UNC5A: variants seen among roughly 807,000 people sequenced by gnomAD.
The protein encoded by UNC5A is unc-5 netrin receptor A.
Under a neutral mutation model 87.4 loss-of-function variants are expected in UNC5A, and 20 were observed. The ratio of observed to expected loss-of-function variants is 0.23; its 90% confidence interval spans 0.16 to 0.33. UNC5A has a LOEUF of 0.33. Ranked by LOEUF, UNC5A falls within the 10% of genes least tolerant of loss-of-function variation. The pLI is 1.00. For missense variants in UNC5A, 844 were observed against 1,133.4 expected (o/e 0.74, Z 3.67); for synonymous variants, 438 against 482.3 (o/e 0.91, Z 1.20).
chr5:176,815,707 C>G (rs141185301), intron 1 of UNC5A, among the ~76,000 whole-genome samples: 1 of 152,174 alleles, frequency 6.6e-6, no homozygotes, highest in Non-Finnish European at 1.5e-5. Flanking sequence ...CATCAGGGCC[C>G]GAGCCCAGAC....
intron 1 of UNC5A, among the ~76,000 whole-genome samples, chr5:176,817,988 C>T (rs1195545416): frequency 6.6e-6 from 1 of 152,032 alleles, no homozygotes; most frequent in African/African-American, 2.4e-5. Context: ...TGTTCGGGGC[C>T]TGTTAACAAG....
At chr5:176,814,743 G>A (rs1192529663) in intron 1 of UNC5A, among the ~76,000 whole-genome samples, 9 of 152,358 alleles carry the variant, frequency 5.9e-5, no homozygotes, top group Middle Eastern at 3.4e-3. Flanking sequence ...TGTTTATGGC[G>A]CGGTGACCCT....
At position 176,824,276 on chromosome 5, in the gene UNC5A, C is replaced by T. The variant is rs1322138465; in HGVS notation, c.70+13456C>T. Among the ~76,000 whole-genome samples, 1 of 152,168 alleles carries T rather than the reference C, an allele frequency of 6.6e-6. No homozygotes were observed. The highest frequency in any genetic ancestry group is 1.9e-4 in the East Asian group (1 of 5,190). On this transcript the variant is annotated intron_variant, in intron 1 of 14. Coordinates refer to ENST00000329542, the MANE Select transcript of UNC5A (RefSeq NM_133369.3). This position sits in a 1 kb window ranked among gnomAD's most constrained non-coding sequence, Gnocchi z 4.2. ...AGCGCACAGGGAGATCAGGGACAAG[C>T]GGAGGGAGGAGGCTGTCCCAGTGGC...
rs183295563 is a variant in UNC5A, at chr5:176,848,590, G to A, written c.71-14034G>A. ...GTCTCATCAGGGGTGTGATGGGAGC[G>A]GCCAGACACCCTATTCCCAGATGGA... On this transcript the variant is annotated intron_variant, in intron 1 of 14. Transcript: ENST00000329542. The surrounding 1 kb of genome is among the most constrained non-coding windows in gnomAD (Gnocchi z 5.8). Among the ~76,000 whole-genome samples, 6 of 152,238 alleles carry A rather than the reference G, an allele frequency of 3.9e-5. No individual in the cohort carries two copies. Among genetic ancestry groups the A allele is most frequent in the South Asian group, 2.1e-4 (1 of 4,826 alleles).
Position 176,878,059 on chromosome 5 carries a change from G to T in UNC5A, c.1801G>T (p.Val601Leu). The T allele has an allele frequency of 6.2e-7, 1 of 1,609,818 alleles. No individual in the cohort carries two copies. Among genetic ancestry groups the T allele is most frequent in the South Asian group, 1.1e-5 (1 of 91,086 alleles). Residue 601 changes from valine (V) to leucine (L), a missense_variant, in exon 11 of 15, where the codon GTG becomes TTG. Transcript: ENST00000329542. ...KRLKLLLFAP[V>L]ACTSLEYNIR... ...CCTCAAGCTGCTTCTGTTTGCGCCG[G>T]TGGCCTGCACCTCCCTCGAGTACAA...
At chr5:176,858,722 A>AGAGAAGGAAGGAAGGAAGGAAG (rs1757728969) in intron 1 of UNC5A, among the ~76,000 whole-genome samples, 2 of 49,812 alleles carry the variant, frequency 4.0e-5, no homozygotes, top group African/African-American at 7.3e-5. Flanking sequence ...AGAGAGAGAG[A>AGAGAAGGAAGGAAGGAAGGAAG]GAAGGAAGGA....
rs563598670 is a variant in UNC5A, at chr5:176,844,376, T to C, written c.71-18248T>C. 6.6e-6 allele frequency among the ~76,000 whole-genome samples: 1 copy of C among 152,180 alleles called. No individual in the cohort carries two copies. The highest frequency in any genetic ancestry group is 2.1e-4 in the South Asian group (1 of 4,802). ...AGATCTGTGCAGGGCCCAGCCTCAC[T>C]CTGTTCTCCTGGGCCTTCCCTGTGC... On this transcript the variant is annotated intron_variant, in intron 1 of 14. Transcript: ENST00000329542. This position sits in a 1 kb window ranked among gnomAD's most constrained non-coding sequence, Gnocchi z 4.2.
At chr5:176,818,720 G>A (rs1259031152) in intron 1 of UNC5A, among the ~76,000 whole-genome samples, 1 of 152,164 alleles carries the variant, frequency 6.6e-6, no homozygotes, top group Non-Finnish European at 1.5e-5. Context: ...GGCCTCTCTG[G>A]TATCCTATGG....
At chr5:176,830,591 T>C (rs1756979691) in intron 1 of UNC5A, among the ~76,000 whole-genome samples, 3 of 144,344 alleles carry the variant, frequency 2.1e-5, no homozygotes, top group African/African-American at 5.2e-5. Context: ...CGCGTGCTGG[T>C]GTGTGCATGC....
Position 176,868,662 on chromosome 5 carries a change from G to T in UNC5A, c.538G>T (p.Glu180Ter). 6.2e-7 allele frequency: 1 copy of T among 1,603,798 alleles called. No homozygotes were observed. Among genetic ancestry groups the T allele is most frequent in the Non-Finnish European group, 8.5e-7 (1 of 1,175,360 alleles). Residue 180 changes from glutamate to a stop codon, truncating the protein, a stop_gained and splice_region_variant, in exon 4 of 15, where the codon GAG becomes TAG. Coordinates refer to ENST00000329542, the MANE Select transcript of UNC5A (RefSeq NM_133369.3). LOFTEE classifies it high-confidence loss of function. Reference sequence around the variant, plus strand: ...TCCACCGGAGGGCATCCCTCCAGCCGAGGTGAGGGCTCCTCTAGTGCCCAC... The same window carrying T: ...TCCACCGGAGGGCATCCCTCCAGCCTAGGTGAGGGCTCCTCTAGTGCCCAC... ...CRPPEGIPPA[E>*]VEWLRNEDLV... is the part of the protein sequence containing the mutation.
intron 1 of UNC5A, among the ~76,000 whole-genome samples, chr5:176,811,660 T>A (rs995072716): frequency 6.6e-6 from 1 of 152,158 alleles, no homozygotes; most frequent in South Asian, 2.1e-4. Flanking sequence ...TCCCTGAGCC[T>A]TCACCTAGGC....
chr5:176,827,557 G>A (rs931126351), intron 1 of UNC5A, among the ~76,000 whole-genome samples: 4 of 152,146 alleles, frequency 2.6e-5, no homozygotes, highest in Admixed American at 2.0e-4. Context: ...TCACCCATTG[G>A]TAGACATTTG....
intron 1 of UNC5A, among the ~76,000 whole-genome samples, chr5:176,831,466 G>A (rs568724042): frequency 2.0e-5 from 3 of 152,342 alleles, no homozygotes; most frequent in East Asian, 3.9e-4. Context: ...AGGCCAGCAC[G>A]CATCCAGGTG....
Position 176,878,049 on chromosome 5 carries a change from G to A in UNC5A, c.1791G>A (p.Leu597=), listed in dbSNP as rs776985084. Residue 597 remains leucine (L), a synonymous_variant, in exon 11 of 15, where the codon CTG becomes CTA. Transcript: ENST00000329542. ...CCGCCAAGCGCCTCAAGCTGCTTCT[G>A]TTTGCGCCGGTGGCCTGCACCTCCC... The part of the protein sequence containing the change: ...VAAAKRLKLL[L]FAPVACTSLE... 1 of 1,609,586 alleles carries A rather than the reference G, an allele frequency of 6.2e-7. No homozygotes were observed. Among genetic ancestry groups the A allele is most frequent in the Non-Finnish European group, 8.5e-7 (1 of 1,179,954 alleles).
Position 176,841,774 on chromosome 5 carries a change from C to A in UNC5A, c.71-20850C>A, listed in dbSNP as rs1479410856. Among the ~76,000 whole-genome samples the A allele has an allele frequency of 6.6e-6, 1 of 152,182 alleles. No homozygotes were observed. The highest frequency in any genetic ancestry group is 2.4e-5 in the African/African-American group (1 of 41,428). Reference sequence around the variant, plus strand: ...CAGATTTACTGAAAATCATCAAAATCTCACTTCTGAAAAGAAGGTATACAA... The same window carrying A: ...CAGATTTACTGAAAATCATCAAAATATCACTTCTGAAAAGAAGGTATACAA... On this transcript the variant is annotated intron_variant, in intron 1 of 14. Transcript: ENST00000329542. The surrounding 1 kb of genome is among the most constrained non-coding windows in gnomAD (Gnocchi z 4.1).
At chr5:176,877,456 C>G in intron 9 of UNC5A, 79 bp from the exon 10 acceptor site, 6 of 1,488,254 alleles carry the variant, frequency 4.0e-6, no homozygotes, top group Non-Finnish European at 5.5e-6. Context: ...ATGCTGCTGC[C>G]CTGCCCTTGG....
chr5:176,817,070 G>T lies in UNC5A; in HGVS notation c.70+6250G>T, dbSNP rs551018737. Among the ~76,000 whole-genome samples, 14 of 152,372 alleles carry T rather than the reference G, an allele frequency of 9.2e-5. No homozygotes were observed. In the South Asian group the frequency reaches 2.9e-3, roughly 32 times the overall value. On this transcript the variant is annotated intron_variant, in intron 1 of 14. Transcript: ENST00000329542. ...GCTGCTCAGCCCCAGAGTAACTGGG[G>T]AAGGGGAAGTTTTAGGTAGCATTTT...
chr5:176,834,669 C>CTCTCTCTCTCTCTT (rs1757106657), intron 1 of UNC5A, among the ~76,000 whole-genome samples: 1 of 137,568 alleles, frequency 7.3e-6, no homozygotes, highest in African/African-American at 2.9e-5. Flanking sequence ...CCCGTCTTCT[C>CTCTCTCTCTCTCTT]TCTCTCTCTC....
At chr5:176,867,066 C>CCG (rs1757992418) in intron 2 of UNC5A, among the ~76,000 whole-genome samples, 1 of 152,130 alleles carries the variant, frequency 6.6e-6, no homozygotes, top group African/African-American at 2.4e-5. Flanking sequence ...AGCTGGGCGG[C>CCG]CGCTCTTCCC....
Sources: gnomAD v4.1 joint callset for allele counts (sites outside exome capture counted in the v4.1 genomes callset) on GRCh38, gnomAD v4.1.1 for gene constraint, Gnocchi (gnomAD v3.1) non-coding constraint, MANE v1.5 for transcripts, NCBI Gene and HGNC (gene_info 2026-07-23, HGNC 2026-07-21) for gene names.